Variants in CLEC16A observed in about 807,000 individuals in gnomAD.
CLEC16A encodes protein CLEC16A.
CLEC16A carries 51 observed loss-of-function variants against 109.5 expected under a neutral mutation model. The observed-to-expected ratio is 0.47, with a 90% CI of 0.37 to 0.59. The LOEUF is 0.59. Among genes scored for constraint, CLEC16A ranks in the 20% least tolerant of loss-of-function variants. CLEC16A has a pLI of 0.00. For synonymous variants in CLEC16A, 673 were observed against 564.2 expected, an observed-to-expected ratio of 1.19 and a Z score of -2.73; for missense variants, 1,339 against 1,394.0, an observed-to-expected ratio of 0.96 and a Z score of 0.63.
At chr16:11,116,206 A>G (rs903084270) in intron 19 of CLEC16A, among the ~76,000 whole-genome samples, 3 of 151,766 alleles carry the variant, frequency 2.0e-5, no homozygotes, top group African/African-American at 7.3e-5. Flanking sequence ...CCTGGCCAAC[A>G]TGGTGAAACC....
At chr16:11,141,802 C>T (rs1345096077) in intron 22 of CLEC16A, among the ~76,000 whole-genome samples, 1 of 152,200 alleles carries the variant, frequency 6.6e-6, no homozygotes, top group Non-Finnish European at 1.5e-5. Flanking sequence ...CTCCTGAGAA[C>T]GGCGCTGCCT....
rs946878312 is a variant in CLEC16A, at chr16:10,973,144, C to G, written c.728+83C>G. On this transcript the variant is annotated intron_variant, in intron 7 of 23. Coordinates refer to ENST00000409790, the MANE Select transcript of CLEC16A (RefSeq NM_015226.3). ...TGTTTTCATCAAGGAAAAATAAACA[C>G]AAGAACCGCACTTCCCTACCTCTGT... is the stretch of plus-strand genomic sequence containing the variant. 62 of 1,460,048 alleles carry G rather than the reference C, an allele frequency of 4.2e-5. 2 individuals carry two copies. In the Middle Eastern group the frequency reaches 1.8e-3, roughly 41 times the overall value. The allele number at this position is 1,460,048 out of a possible 1,614,324, so 90.4% of individuals were successfully genotyped here.
At chr16:11,167,309 C>G (rs1210645569) in intron 23 of CLEC16A, among the ~76,000 whole-genome samples, 1 of 152,152 alleles carries the variant, frequency 6.6e-6, no homozygotes, top group Non-Finnish European at 1.5e-5. Context: ...CAGCATCCCC[C>G]CGCCATGGGT....
chr16:11,045,618 C>G (rs929877728), intron 16 of CLEC16A, among the ~76,000 whole-genome samples: 1 of 152,134 alleles, frequency 6.6e-6, no homozygotes, highest in African/African-American at 2.4e-5. Flanking sequence ...AGGCTCATCA[C>G]TCGTCAGCCA....
chr16:11,098,427 C>T (rs1029994152), intron 19 of CLEC16A, among the ~76,000 whole-genome samples: 1 of 152,246 alleles, frequency 6.6e-6, no homozygotes, highest in African/African-American at 2.4e-5. Flanking sequence ...TTTAGTGTTG[C>T]TGCTGAGTCC....
intron 13 of CLEC16A, among the ~76,000 whole-genome samples, chr16:11,035,732 T>A (rs998828310): frequency 5.3e-5 from 8 of 152,260 alleles, no homozygotes; most frequent in African/African-American, 1.9e-4. Context: ...AAGGCAATCT[T>A]GTCATCTTAG....
At chr16:10,999,235 T>C (rs1014221226) in intron 10 of CLEC16A, among the ~76,000 whole-genome samples, 1 of 152,080 alleles carries the variant, frequency 6.6e-6, no homozygotes, top group Non-Finnish European at 1.5e-5. Context: ...CACACCCAGC[T>C]GAATGTTTAA....
chr16:11,096,703 A>C (rs2050627253), intron 19 of CLEC16A, among the ~76,000 whole-genome samples: 1 of 152,208 alleles, frequency 6.6e-6, no homozygotes, highest in Admixed American at 6.5e-5. Flanking sequence ...TTGTCCCTGC[A>C]TCACCAAGCT....
chr16:11,125,741 C>T (rs912399172), intron 21 of CLEC16A, among the ~76,000 whole-genome samples: 2 of 152,210 alleles, frequency 1.3e-5, no homozygotes, highest in Admixed American at 1.3e-4. Flanking sequence ...CCCCTTTCTC[C>T]TTGGTCTCAA....
intron 22 of CLEC16A, among the ~76,000 whole-genome samples, chr16:11,156,049 G>A (rs1028134450): frequency 6.6e-6 from 1 of 152,128 alleles, no homozygotes; most frequent in African/African-American, 2.4e-5. Flanking sequence ...GATGGGATAA[G>A]AGACTTGCTG....
At chr16:10,952,706 C>A (rs557298079) in intron 1 of CLEC16A, among the ~76,000 whole-genome samples, 1 of 152,274 alleles carries the variant, frequency 6.6e-6, no homozygotes, top group South Asian at 2.1e-4. Context: ...CATTGTGGGA[C>A]AGAAAGACGA....
intron 22 of CLEC16A, among the ~76,000 whole-genome samples, chr16:11,145,998 G>T (rs2054038740): frequency 1.3e-5 from 2 of 152,150 alleles, no homozygotes; most frequent in Admixed American, 1.3e-4. Context: ...AACTTAAGGG[G>T]CCTCTCCGCA....
In CLEC16A at chr16:11,072,592, G is replaced by A. The variant is rs192622305; in HGVS notation, c.2116+11570G>A. 5.4e-4 allele frequency among the ~76,000 whole-genome samples: 82 copies of A among 152,298 alleles called. No homozygotes were observed. The East Asian group carries it at 0.015, about 28-fold the overall frequency. On this transcript the variant is annotated intron_variant, in intron 19 of 23. Transcript: ENST00000409790. ...AAAAGCCTGGGTTTTAACTCCTGCT[G>A]TGTGACCTTGGACAAATTAGTTAAC... is the stretch of plus-strand genomic sequence containing the variant.
At chr16:10,971,262 G>C in intron 5 of CLEC16A, 32 bp downstream of exon 5, 1 of 1,503,158 alleles carries the variant, frequency 6.7e-7, no homozygotes, top group Admixed American at 1.8e-5. Context: ...TGTCTCGGCT[G>C]ATTTCTGACT....
rs755077912 is a variant in CLEC16A at position 11,174,224 on chromosome 16, G to C, written c.2807-4111G>C. 4 of 468,790 alleles carry C rather than the reference G, an allele frequency of 8.5e-6. No individual in the cohort carries two copies. The highest frequency in any genetic ancestry group is 6.2e-5 in the South Asian group (4 of 64,560). 29.0% of individuals were successfully genotyped at this position (468,790 alleles called of 1,614,324 possible). A position where few individuals can be genotyped will look rare whatever the true frequency, so the allele number is the denominator to read the frequency against. ...AGGCCGACAGTCATGGCGGCCACTG[G>C]GTTTAGTGCTCCGAACGGCAGCTGC... On this transcript the variant is annotated intron_variant, in intron 23 of 23. Transcript: ENST00000409790. The surrounding 1 kb of genome is among the most constrained non-coding windows in gnomAD (Gnocchi z 4.7).
Position 11,089,873 on chromosome 16 carries a change from C to T in CLEC16A, c.2116+28851C>T, listed in dbSNP as rs575407916. Reference sequence around the variant, plus strand: ...AACCAGTCAACCCTGTGCTCTGCTCCGTTTTTTCCATCCCTGCCTTTGCTC... The same window carrying T: ...AACCAGTCAACCCTGTGCTCTGCTCTGTTTTTTCCATCCCTGCCTTTGCTC... On this transcript the variant is annotated intron_variant, in intron 19 of 23. Coordinates refer to ENST00000409790, the MANE Select transcript of CLEC16A (RefSeq NM_015226.3). Among the ~76,000 whole-genome samples the T allele has an allele frequency of 9.8e-5, 15 of 152,312 alleles. No homozygotes were observed. In the South Asian group the frequency reaches 3.1e-3, roughly 32 times the overall value.
At chr16:11,146,766 G>C (rs762939588) in intron 22 of CLEC16A, among the ~76,000 whole-genome samples, 49 of 151,256 alleles carry the variant, frequency 3.2e-4, no homozygotes, top group Non-Finnish European at 5.5e-4. Context: ...GGATGGGAGG[G>C]AGGGAGGGAG....
At chr16:11,137,843 G>C (rs1192065323) in intron 22 of CLEC16A, among the ~76,000 whole-genome samples, 1 of 152,122 alleles carries the variant, frequency 6.6e-6, no homozygotes, top group African/African-American at 2.4e-5. Context: ...CAGTATTGCC[G>C]AGTGCACAGT....
intron 22 of CLEC16A, among the ~76,000 whole-genome samples, chr16:11,135,858 G>A (rs992848464): frequency 3.3e-5 from 5 of 152,248 alleles, no homozygotes; most frequent in African/African-American, 7.2e-5. Flanking sequence ...TCACCAGCAC[G>A]GGCCTGGCCC....
Sources: allele counts gnomAD v4.1 joint callset (sites outside exome capture counted in the v4.1 genomes callset), GRCh38; gene constraint gnomAD v4.1.1; non-coding constraint Gnocchi (gnomAD v3.1); transcripts MANE v1.5; gene names NCBI Gene and HGNC (gene_info 2026-07-23, HGNC 2026-07-21).